Variants in ARFGAP3 observed in about 807,000 individuals in gnomAD.
ARFGAP3 encodes ARF GTPase activating protein 3, also known as ADP-ribosylation factor GTPase-activating protein 3.
ARFGAP3 carries 72 observed loss-of-function variants against 75.0 expected under a neutral mutation model. The ratio of observed to expected loss-of-function variants is 0.96; its 90% CI spans 0.79 to 1.17. The LOEUF is 1.17. Ranked by LOEUF, ARFGAP3 falls within the 50% of genes most tolerant of loss-of-function variation. ARFGAP3 has a pLI of 0.00. For synonymous variants in ARFGAP3, 221 were observed against 217.9 expected (o/e 1.01, Z -0.13); for missense variants, 620 against 626.6 (o/e 0.99, Z 0.11).
chr22:42,810,759 T>C, intron 12 of ARFGAP3, 54 bp downstream of exon 12: 1 of 1,518,982 alleles, frequency 6.6e-7, no homozygotes, highest in Non-Finnish European at 9.0e-7. Context: ...TCAGCAATTT[T>C]TTCCCAGAAA....
intron 6 of ARFGAP3, among the ~76,000 whole-genome samples, chr22:42,830,226 G>A (rs1251896527): frequency 6.6e-6 from 1 of 151,766 alleles, no homozygotes; most frequent in Non-Finnish European, 1.5e-5. Context: ...TAAGAGATCT[G>A]CCTGCCTCAG....
intron 2 of ARFGAP3, among the ~76,000 whole-genome samples, chr22:42,844,590 A>AC (rs1287337709): frequency 2.5e-5 from 2 of 80,422 alleles, no homozygotes; most frequent in African/African-American, 1.4e-4. Context: ...GTCTCAAAGG[A>AC]AAAAAAAAAA....
At chr22:42,840,785 C>A (rs1252566020) in intron 3 of ARFGAP3, among the ~76,000 whole-genome samples, 159 bp downstream of exon 3, 7 of 152,012 alleles carry the variant, frequency 4.6e-5, no homozygotes, top group Non-Finnish European at 1.5e-5. Flanking sequence ...GTCTTGAACT[C>A]CTGGGCTCCA....
intron 8 of ARFGAP3, among the ~76,000 whole-genome samples, chr22:42,822,749 AAT>A (rs1925867676): frequency 6.6e-6 from 1 of 152,156 alleles, no homozygotes; most frequent in African/African-American, 2.4e-5. Context: ...ATGCTATGAA[AAT>A]AGTTACTAAT....
chr22:42,842,574 A>G (rs1926834343), intron 2 of ARFGAP3, among the ~76,000 whole-genome samples: 1 of 151,580 alleles, frequency 6.6e-6, no homozygotes, highest in Non-Finnish European at 1.5e-5. Flanking sequence ...CAGCCTCCAG[A>G]GGTAGCTGGG....
At position 42,808,796 on chromosome 22, in the gene ARFGAP3, T is replaced by C. The variant is rs560137754; in HGVS notation, c.1291A>G (p.Met431Val). 2.0e-5 allele frequency: 32 copies of C among 1,613,274 alleles called. No homozygotes were observed. The South Asian group carries it at 3.4e-4, about 17-fold the overall frequency. Residue 431 changes from methionine to valine, a missense_variant, in exon 13 of 16, where the codon ATG becomes GTG. Coordinates refer to ENST00000263245, the MANE Select transcript of ARFGAP3 (RefSeq NM_014570.5). ...FGNVKAISSD[M>V]YFGRQSQADY... The stretch of plus-strand genomic sequence containing the variant: ...GCCTGGGATTGTCTTCCAAAATACA[T>C]ATCTGATGAAATGGCCTTGACATTG...
chr22:42,822,096 C>T (rs575485897), intron 9 of ARFGAP3, among the ~76,000 whole-genome samples, 174 bp downstream of exon 9: 2 of 152,206 alleles, frequency 1.3e-5, no homozygotes, highest in South Asian at 2.1e-4. Flanking sequence ...CTGCCCCCAT[C>T]GTCTCTTTCC....
intron 14 of ARFGAP3, 195 bp from the exon 15 acceptor site, chr22:42,799,355 G>T: frequency 1.9e-6 from 1 of 515,650 alleles, no homozygotes; most frequent in Non-Finnish European, 2.5e-6. Flanking sequence ...GAATCCACAC[G>T]ACAGAAAATG....
intron 3 of ARFGAP3, 93 bp downstream of exon 3, chr22:42,840,851 A>G (rs1048901010): frequency 1.0e-5 from 13 of 1,292,224 alleles, no homozygotes; most frequent in Non-Finnish European, 1.4e-5. Context: ...GATTACAGGC[A>G]TGAGCCACTG....
chr22:42,828,809 T>C (rs2146556685), intron 6 of ARFGAP3, among the ~76,000 whole-genome samples: 1 of 150,706 alleles, frequency 6.6e-6, no homozygotes, highest in South Asian at 2.1e-4. Context: ...CTCAGCCTTC[T>C]GAGCAGCTGG....
chr22:42,828,103 G>T (rs187857362), intron 6 of ARFGAP3, among the ~76,000 whole-genome samples: 2 of 151,864 alleles, frequency 1.3e-5, no homozygotes, highest in African/African-American at 2.4e-5. Context: ...TGACCAACAT[G>T]GTGAAACCCC....
chr22:42,855,266 G>T (rs891707700), intron 1 of ARFGAP3, among the ~76,000 whole-genome samples: 5 of 152,210 alleles, frequency 3.3e-5, no homozygotes, highest in African/African-American at 4.8e-5. Context: ...TTAAATCAAA[G>T]AGAATACATG....
intron 14 of ARFGAP3, among the ~76,000 whole-genome samples, chr22:42,805,432 C>T (rs1925075125): frequency 6.6e-6 from 1 of 152,204 alleles, no homozygotes; most frequent in Non-Finnish European, 1.5e-5. Flanking sequence ...CGGCTGCTGG[C>T]TGTGCCAGGG....
At chr22:42,815,268 T>C (rs1234726065) in intron 11 of ARFGAP3, among the ~76,000 whole-genome samples, 2 of 152,212 alleles carry the variant, frequency 1.3e-5, no homozygotes, top group African/African-American at 4.8e-5. Context: ...AAAATCTATT[T>C]ACATACCTTT....
chr22:42,806,078 G>A (rs1269979517), intron 14 of ARFGAP3, among the ~76,000 whole-genome samples: 1 of 152,244 alleles, frequency 6.6e-6, no homozygotes, highest in Non-Finnish European at 1.5e-5. Context: ...GTAAGGCCAA[G>A]TGATAGCCTA....
intron 2 of ARFGAP3, among the ~76,000 whole-genome samples, chr22:42,845,133 CAGAA>C (rs1476118585): frequency 6.6e-6 from 1 of 152,166 alleles, no homozygotes; most frequent in African/African-American, 2.4e-5. Context: ...ACAGTAAAGA[CAGAA>C]GGAAGAGAAG....
At chr22:42,832,783 T>C (rs5758968) in intron 5 of ARFGAP3, among the ~76,000 whole-genome samples, 68,340 of 151,536 alleles carry the variant, frequency 0.45, 15,900 homozygotes, top group Non-Finnish European at 0.48. Context: ...GTCAGGAGTT[T>C]GAGACAAGCC....
chr22:42,839,759 T>A (rs186581180), intron 3 of ARFGAP3, among the ~76,000 whole-genome samples: 20 of 152,244 alleles, frequency 1.3e-4, no homozygotes, highest in Admixed American at 5.2e-4. Flanking sequence ...CACTTCCTGT[T>A]TTAATTTTCT....
At chr22:42,848,743 A>G (rs1478701495) in intron 1 of ARFGAP3, among the ~76,000 whole-genome samples, 1 of 152,168 alleles carries the variant, frequency 6.6e-6, no homozygotes, top group African/African-American at 2.4e-5. Context: ...CCCCAGCCAG[A>G]GGAAGAGGTT....
Sources: allele counts gnomAD v4.1 joint callset (sites outside exome capture counted in the v4.1 genomes callset), GRCh38; gene constraint gnomAD v4.1.1; transcripts MANE v1.5; gene names NCBI Gene and HGNC (gene_info 2026-07-23, HGNC 2026-07-21).